Variants in LRP1B observed in about 807,000 individuals in gnomAD.
The protein encoded by LRP1B is low-density lipoprotein receptor-related protein 1B.
Under a neutral mutation model 556.6 loss-of-function variants are expected in LRP1B, and 217 were observed. The observed-to-expected ratio is 0.39, with a 90% CI of 0.35 to 0.44. LRP1B has a LOEUF of 0.44. Among genes scored for constraint, LRP1B ranks in the 20% least tolerant of loss-of-function variants. The probability of loss-of-function intolerance (pLI) is 1.00; values close to 1 mark genes in which losing one functional copy is unlikely to be tolerated. For missense variants in LRP1B, 5,053 were observed against 5,620.8 expected, an observed-to-expected ratio of 0.90 and a Z score of 3.23; for synonymous variants, 2,047 against 1,865.8, an observed-to-expected ratio of 1.10 and a Z score of -2.50.
chr2:140,856,466 C>T (rs1692620598), intron 27 of LRP1B, among the ~76,000 whole-genome samples: 1 of 152,128 alleles, frequency 6.6e-6, no homozygotes, highest in Admixed American at 6.6e-5. Flanking sequence ...ATGTGTTGGT[C>T]TTTCTAGCTA....
Position 140,527,232 on chromosome 2 carries a change from G to T in LRP1B, c.7763-882C>A, listed in dbSNP as rs1051811073. On this transcript the variant is annotated intron_variant, in intron 47 of 90. Coordinates refer to ENST00000389484, the MANE Select transcript of LRP1B (RefSeq NM_018557.3). The stretch of plus-strand genomic sequence containing the variant: ...ATAGTGGTTTCCAGTAAAATGCTGT[G>T]AATGGGTACATGACATGCTATGTAT... 5.9e-5 allele frequency among the ~76,000 whole-genome samples: 9 copies of T among 151,868 alleles called. 1 individual carries two copies. Among genetic ancestry groups the T allele is most frequent in the Non-Finnish European group, 8.8e-5 (6 of 67,916 alleles).
At chr2:140,863,704 G>T (rs1298313104) in intron 27 of LRP1B, among the ~76,000 whole-genome samples, 2 of 152,156 alleles carry the variant, frequency 1.3e-5, no homozygotes, top group African/African-American at 4.8e-5. Flanking sequence ...CATGAGGGAA[G>T]AATTAAACTT....
intron 45 of LRP1B, among the ~76,000 whole-genome samples, chr2:140,537,885 A>T (rs1471560254): frequency 6.6e-6 from 1 of 152,014 alleles, no homozygotes; most frequent in African/African-American, 2.4e-5. Flanking sequence ...TATTTTTATT[A>T]TTCAGTAATA....
At chr2:141,203,064 G>T (rs1682109947) in intron 6 of LRP1B, among the ~76,000 whole-genome samples, 1 of 151,998 alleles carries the variant, frequency 6.6e-6, no homozygotes, top group South Asian at 2.1e-4. Context: ...AGGAACAACT[G>T]GTACCAGCCG....
At position 142,013,232 on chromosome 2, in the gene LRP1B, A is replaced by G. The variant is rs185510133; in HGVS notation, c.82+117416T>C. ...AAGATAGGACTGGAATAAGACTGGA[A>G]AGACGGAAAGCGGGATGGGAAGGGT... On this transcript the variant is annotated intron_variant, in intron 1 of 90. Transcript: ENST00000389484. Among the ~76,000 whole-genome samples, 59 of 152,238 alleles carry G rather than the reference A, an allele frequency of 3.9e-4. No individual in the cohort carries two copies. In the East Asian group the frequency reaches 9.3e-3, roughly 24 times the overall value.
intron 66 of LRP1B, among the ~76,000 whole-genome samples, chr2:140,393,786 A>AC (rs1307834350): frequency 6.6e-6 from 1 of 152,182 alleles, no homozygotes; most frequent in Non-Finnish European, 1.5e-5. Context: ...TTATGGAGTC[A>AC]CAAGGATGGA....
At chr2:141,937,456 G>A (rs1700669296) in intron 1 of LRP1B, among the ~76,000 whole-genome samples, 1 of 151,400 alleles carries the variant, frequency 6.6e-6, no homozygotes, top group Admixed American at 6.6e-5. Flanking sequence ...AGAGGCTGTA[G>A]CAAATATGGA....
chr2:140,676,450 A>C (rs1001569322), intron 41 of LRP1B, among the ~76,000 whole-genome samples: 26 of 152,158 alleles, frequency 1.7e-4, no homozygotes, highest in Non-Finnish European at 1.5e-5. Flanking sequence ...TTTTTTTTAA[A>C]ATCACCCCAT....
intron 3 of LRP1B, among the ~76,000 whole-genome samples, chr2:141,275,929 T>A (rs139151406): frequency 6.6e-6 from 1 of 151,478 alleles, no homozygotes; most frequent in Non-Finnish European, 1.5e-5. Context: ...TATATACACA[T>A]ACACATATAT....
In LRP1B at chr2:140,538,380, C is replaced by T. The variant is rs531338962; in HGVS notation, c.7514-1671G>A. On this transcript the variant is annotated intron_variant, in intron 45 of 90. Coordinates refer to ENST00000389484, the MANE Select transcript of LRP1B (RefSeq NM_018557.3). ...TTCAACCTTTGTCCACCGTCTTTCT[C>T]TCCCCACTCTAACAGATCCAGGTGT... Among the ~76,000 whole-genome samples, 6 of 152,190 alleles carry T rather than the reference C, an allele frequency of 3.9e-5. No homozygotes were observed. In the East Asian group the frequency reaches 9.7e-4, roughly 25 times the overall value.
At chr2:141,073,621 T>G (rs1249139917) in intron 7 of LRP1B, among the ~76,000 whole-genome samples, 1 of 152,144 alleles carries the variant, frequency 6.6e-6, no homozygotes, top group Non-Finnish European at 1.5e-5. Context: ...ATACTTTTGC[T>G]GAGATTCTTT....
intron 41 of LRP1B, among the ~76,000 whole-genome samples, chr2:140,698,139 T>C (rs746297927): frequency 6.6e-6 from 1 of 151,980 alleles, no homozygotes; most frequent in Admixed American, 6.6e-5. Context: ...CTCACATCAA[T>C]TCATGCCATA....
intron 41 of LRP1B, among the ~76,000 whole-genome samples, chr2:140,641,605 G>T (rs960519339): frequency 1.3e-5 from 2 of 152,122 alleles, no homozygotes; most frequent in Non-Finnish European, 2.9e-5. Flanking sequence ...TTTACTAAAC[G>T]TTATGCTCTG....
Position 140,702,208 on chromosome 2 carries a change from G to A in LRP1B, c.6235C>T (p.Leu2079=), listed in dbSNP as rs2105428529. 6.2e-7 allele frequency: 1 copy of A among 1,613,668 alleles called. No individual in the cohort carries two copies. Among genetic ancestry groups the A allele is most frequent in the Non-Finnish European group, 8.5e-7 (1 of 1,179,768 alleles). The change falls in exon 39 of 91, where the codon CTG becomes TTG. Residue 2079 remains leucine, a synonymous_variant. Transcript: ENST00000389484. ...LETGGNREMV[L]SGSNVDMFSV... The stretch of plus-strand genomic sequence containing the variant: ...AACATATCCACATTGCTTCCTGACA[G>A]CACCATCTCGCGATTCCCTCCAGTC...
intron 35 of LRP1B, among the ~76,000 whole-genome samples, chr2:140,762,635 T>C (rs1327422612): frequency 6.6e-6 from 1 of 152,164 alleles, no homozygotes; most frequent in Non-Finnish European, 1.5e-5. Flanking sequence ...CACCTTAAAG[T>C]TTGAAAATGA....
chr2:140,530,414 A>C (rs1031929536), intron 47 of LRP1B, among the ~76,000 whole-genome samples: 2 of 152,052 alleles, frequency 1.3e-5, no homozygotes, highest in African/African-American at 2.4e-5. Flanking sequence ...TTTGTACTAT[A>C]AGGGAGATAT....
At chr2:140,305,585 A>G (rs559753959) in intron 83 of LRP1B, among the ~76,000 whole-genome samples, 1 of 152,302 alleles carries the variant, frequency 6.6e-6, no homozygotes, top group East Asian at 1.9e-4. Context: ...ATATGCAATC[A>G]TGTTATCTGC....
chr2:140,633,194 T>A (rs919894380), intron 41 of LRP1B, among the ~76,000 whole-genome samples: 4 of 152,002 alleles, frequency 2.6e-5, no homozygotes, highest in African/African-American at 9.7e-5. Context: ...CCTCAAATAT[T>A]TGGAGATTAA....
chr2:140,960,731 A>G (rs1696009548), intron 18 of LRP1B, among the ~76,000 whole-genome samples: 1 of 151,900 alleles, frequency 6.6e-6, no homozygotes, highest in Admixed American at 6.6e-5. Context: ...ACTCACCTCT[A>G]AAAGTAAGAT....
Sources: allele counts gnomAD v4.1 joint callset (sites outside exome capture counted in the v4.1 genomes callset), GRCh38; gene constraint gnomAD v4.1.1; transcripts MANE v1.5; gene names NCBI Gene and HGNC (gene_info 2026-07-23, HGNC 2026-07-21).